ATRX: variants seen among roughly 807,000 people sequenced by gnomAD.
The protein encoded by ATRX is ATRX chromatin remodeler, also known as chromatin remodeler ATRX.
A neutral mutation model predicts 172.6 loss-of-function variants in ATRX; 12 were observed. The ratio of observed to expected loss-of-function variants is 0.07; its 90% CI spans 0.04 to 0.11. ATRX has a LOEUF of 0.11. ATRX is among the 10% of genes least tolerant of loss of function. ATRX has a pLI of 1.00. For synonymous variants in ATRX, 674 were observed against 594.7 expected (o/e 1.13, Z -1.94); for missense variants, 1,368 against 1,767.4 (o/e 0.77, Z 4.05).
chrX:77,651,504 A>G (rs781971780), intron 15 of ATRX, among the ~76,000 whole-genome samples: 1 of 112,021 alleles, frequency 8.9e-6, no homozygotes, highest in South Asian at 3.7e-4. Context: ...AATAAAGCTT[A>G]ATGACTATTT....
chrX:77,569,521 A>G (rs1263734539), intron 28 of ATRX, among the ~76,000 whole-genome samples: 5 of 111,532 alleles, frequency 4.5e-5, no homozygotes, highest in African/African-American at 1.3e-4. Flanking sequence ...CCAGAAATCT[A>G]TAAAACAAAC....
chrX:77,647,094 G>A (rs1603054944), intron 15 of ATRX, among the ~76,000 whole-genome samples: 5 of 111,125 alleles, frequency 4.5e-5, no homozygotes, highest in South Asian at 7.5e-4. Context: ...CCAGTCACAA[G>A]GGAATGCAAC....
intron 1 of ATRX, among the ~76,000 whole-genome samples, chrX:77,761,240 T>C (rs933418909): frequency 8.9e-6 from 1 of 111,759 alleles, no homozygotes; most frequent in Non-Finnish European, 1.9e-5. Flanking sequence ...TTTTTATGTA[T>C]ATATTTAAAG....
chrX:77,705,267 G>T (rs1383194467), intron 2 of ATRX, among the ~76,000 whole-genome samples: 2 of 111,865 alleles, frequency 1.8e-5, no homozygotes, highest in Admixed American at 1.9e-4. Flanking sequence ...GGGAGGGTGG[G>T]GCTCCAGCCT....
intron 28 of ATRX, among the ~76,000 whole-genome samples, chrX:77,572,780 CAT>C (rs1282313500): frequency 9.0e-6 from 1 of 111,721 alleles, no homozygotes. Context: ...TATAATCAAT[CAT>C]ATACATTTAT....
chrX:77,688,106 T>G (rs1190106279), intron 7 of ATRX, among the ~76,000 whole-genome samples: 1 of 110,005 alleles, frequency 9.1e-6, no homozygotes, highest in Non-Finnish European at 1.9e-5. Flanking sequence ...CCCGGCTAAT[T>G]TTTTGTATTT....
chrX:77,724,332 A>C (rs1386431953), intron 1 of ATRX, among the ~76,000 whole-genome samples: 2 of 108,435 alleles, frequency 1.8e-5, no homozygotes, highest in African/African-American at 6.6e-5. Flanking sequence ...GTGGAAAAAA[A>C]AGAAAAAAAA....
intron 5 of ATRX, among the ~76,000 whole-genome samples, chrX:77,694,397 T>C (rs1399592043): frequency 9.0e-6 from 1 of 111,407 alleles, no homozygotes; most frequent in Non-Finnish European, 1.9e-5. Flanking sequence ...AGTTTTATAT[T>C]GCAAGGGAGG....
At chrX:77,675,525 C>T (rs2070821317) in intron 10 of ATRX, 1 of 111,296 alleles carries the variant, frequency 9.0e-6, no homozygotes, top group African/African-American at 3.3e-5. Flanking sequence ...TAGCTATAGT[C>T]TTTAATACTG....
chrX:77,707,516 G>A (rs1400378149), intron 2 of ATRX, among the ~76,000 whole-genome samples: 3 of 111,902 alleles, frequency 2.7e-5, no homozygotes, highest in African/African-American at 3.2e-5. Context: ...AGGCCGAGGC[G>A]GGTGAATTGC....
chrX:77,680,093 G>C (rs900848581), intron 9 of ATRX, among the ~76,000 whole-genome samples: 1 of 112,119 alleles, frequency 8.9e-6, no homozygotes, highest in Non-Finnish European at 1.9e-5. Context: ...CAAATGTTTT[G>C]CTGCAGAAAT....
At chrX:77,586,736 A>G (rs1482049738) in intron 27 of ATRX, among the ~76,000 whole-genome samples, 1 of 112,012 alleles carries the variant, frequency 8.9e-6, no homozygotes, top group East Asian at 2.8e-4. Context: ...TAAAACGCAG[A>G]TATAAACTTA....
chrX:77,703,306 G>C (rs1250131677), intron 2 of ATRX, among the ~76,000 whole-genome samples: 12 of 113,023 alleles, frequency 1.1e-4, no homozygotes, highest in Non-Finnish European at 1.3e-4. Flanking sequence ...TCCTATGATA[G>C]CCAAGGAAGA....
chrX:77,604,215 C>A (rs1355444478), intron 22 of ATRX, among the ~76,000 whole-genome samples: 3 of 112,160 alleles, frequency 2.7e-5, no homozygotes, highest in Non-Finnish European at 5.6e-5. Context: ...AAACAATCTG[C>A]AGAATGGGAG....
intron 19 of ATRX, among the ~76,000 whole-genome samples, chrX:77,626,430 T>C (rs371748144): frequency 1.2e-4 from 13 of 110,687 alleles, no homozygotes; most frequent in African/African-American, 3.3e-4. Context: ...CAATAACTTA[T>C]AGAAAAATAA....
At chrX:77,653,234 A>AT (rs1356678173) in intron 14 of ATRX, among the ~76,000 whole-genome samples, 2 of 111,699 alleles carry the variant, frequency 1.8e-5, no homozygotes, top group Admixed American at 9.5e-5. Context: ...AGGGACTCAG[A>AT]TATGTAAACA....
Position 77,523,339 on chromosome X carries a change from A to G in ATRX, c.6762T>C (p.His2254=). 1.7e-6 allele frequency: 2 copies of G among 1,209,583 alleles called. No individual in the cohort carries two copies. Among genetic ancestry groups the G allele is most frequent in the Non-Finnish European group, 2.2e-6 (2 of 893,709 alleles). The part of the protein sequence containing the change: ...HKEHIVGYHE[H]DSLLDHKEEE... The stretch of plus-strand genomic sequence containing the variant: ...CTTCTTTGTGGTCCAAAAGAGAATC[A>G]TGTTCATGGTATCCTACAATGTGTT... The change falls in exon 31 of 35, where the codon CAT becomes CAC. Residue 2254 remains histidine, a synonymous_variant. Coordinates refer to ENST00000373344, the MANE Select transcript of ATRX (RefSeq NM_000489.6).
intron 25 of ATRX, chrX:77,595,518 A>G (rs1557083431): frequency 8.9e-6 from 1 of 111,974 alleles, no homozygotes; most frequent in East Asian, 2.8e-4. Context: ...CCTGGCTGAA[A>G]TAGATAAGCT....
Position 77,737,435 on chromosome X carries a change from A to AAG in ATRX, c.21-20193_21-20192insCT, listed in dbSNP as rs1469081981. Among the ~76,000 whole-genome samples, 162 of 39,172 alleles carry AAG rather than the reference A, an allele frequency of 4.1e-3. 9 individuals carry two copies. The highest frequency in any genetic ancestry group is 0.019 in the African/African-American group (134 of 7,015). 34.0% of individuals were successfully genotyped at this position (39,172 alleles called of 115,157 possible). A position where few individuals can be genotyped will look rare whatever the true frequency, so the allele number is the denominator to read the frequency against. On this transcript the variant is annotated intron_variant, in intron 1 of 34. Coordinates refer to ENST00000373344, the MANE Select transcript of ATRX (RefSeq NM_000489.6). ...AAGACTCTGTCTCCAAAAAAAAAAA[A>AAG]GGGGGGGGGGGGCCTAGTATTTGAT...
Sources: gnomAD v4.1 joint callset for allele counts (sites outside exome capture counted in the v4.1 genomes callset) on GRCh38, gnomAD v4.1.1 for gene constraint, MANE v1.5 for transcripts, NCBI Gene and HGNC (gene_info 2026-07-23, HGNC 2026-07-21) for gene names.